Variants in FMN1 observed in about 807,000 individuals in gnomAD.
FMN1 encodes the protein formin 1.
In FMN1, 110 loss-of-function variants were observed where a neutral mutation model predicts 132.4. That is an observed-to-expected ratio of 0.83 (90% CI 0.71 to 0.97). The LOEUF (loss-of-function observed/expected upper bound fraction) is 0.97, where lower values mean the gene tolerates loss of function less well. Ranked by LOEUF, FMN1 falls within the 50% of genes least tolerant of loss-of-function variation. The probability of loss-of-function intolerance (pLI) is 0.00; values close to 1 mark genes in which losing one functional copy is unlikely to be tolerated. For missense variants in FMN1, 1,792 were observed against 1,705.3 expected, an observed-to-expected ratio of 1.05 and a Z score of -0.90; for synonymous variants, 722 against 651.7, an observed-to-expected ratio of 1.11 and a Z score of -1.64.
At position 33,168,829 on chromosome 15, in the gene FMN1, A is replaced by C. The variant is rs116078154; in HGVS notation, c.-132+11369T>G. On this transcript the variant is annotated intron_variant, in intron 3 of 20. Transcript: ENST00000616417. ...ATTCCTTGATATTGGAATTTAAAATAATTAAAGTCTCAGTCACAAGTGCTA... is the reference window on the plus strand; with the variant it reads ...ATTCCTTGATATTGGAATTTAAAATCATTAAAGTCTCAGTCACAAGTGCTA... Among the ~76,000 whole-genome samples, 464 of 152,314 alleles carry C rather than the reference A, an allele frequency of 3.0e-3. 2 individuals are homozygous for C. The highest frequency in any genetic ancestry group is 0.011 in the African/African-American group (448 of 41,562).
chr15:32,990,795 T>TC (rs2033387573), intron 7 of FMN1, among the ~76,000 whole-genome samples: 1 of 152,080 alleles, frequency 6.6e-6, no homozygotes, highest in South Asian at 2.1e-4. Context: ...AACATGTCCT[T>TC]CTTCACATGG....
At chr15:32,954,948 C>T (rs2061731686) in intron 9 of FMN1, among the ~76,000 whole-genome samples, 2 of 152,162 alleles carry the variant, frequency 1.3e-5, no homozygotes, top group African/African-American at 2.4e-5. Flanking sequence ...GTGGAGGTTG[C>T]AGTGACTAGG....
chr15:32,783,682 T>C (rs1050705326), intron 19 of FMN1, among the ~76,000 whole-genome samples: 1 of 126,314 alleles, frequency 7.9e-6, no homozygotes, highest in African/African-American at 3.0e-5. Flanking sequence ...TCGGGGGAGC[T>C]TGCAGTGAGC....
intron 6 of FMN1, among the ~76,000 whole-genome samples, chr15:33,017,552 G>A (rs1318869427): frequency 6.6e-6 from 1 of 152,098 alleles, no homozygotes; most frequent in Admixed American, 6.5e-5. Context: ...ACAGAAAGGA[G>A]CCTAATTTCT....
chr15:33,139,353 T>C (rs1963906660), intron 4 of FMN1, among the ~76,000 whole-genome samples: 1 of 152,172 alleles, frequency 6.6e-6, no homozygotes, highest in Non-Finnish European at 1.5e-5. Flanking sequence ...TCTCAGCACT[T>C]TGGGAGGCCG....
intron 16 of FMN1, among the ~76,000 whole-genome samples, chr15:32,863,494 A>C (rs1007774101): frequency 2.0e-5 from 3 of 152,216 alleles, no homozygotes; most frequent in African/African-American, 7.2e-5. Context: ...ATGTCTACTG[A>C]GCACCTACTA....
intron 10 of FMN1, among the ~76,000 whole-genome samples, chr15:32,919,862 G>T (rs1302222144): frequency 6.6e-6 from 1 of 152,126 alleles, no homozygotes; most frequent in Non-Finnish European, 1.5e-5. Context: ...AAGGCAAAAG[G>T]AAACAAGGTC....
chr15:32,917,762 T>C (rs994710229), intron 10 of FMN1, among the ~76,000 whole-genome samples: 12 of 152,146 alleles, frequency 7.9e-5, no homozygotes, highest in African/African-American at 2.9e-4. Context: ...CTTAAAATCC[T>C]TACCATCTAA....
chr15:33,014,086 C>A (rs886285306), intron 6 of FMN1, among the ~76,000 whole-genome samples: 1 of 152,188 alleles, frequency 6.6e-6, no homozygotes, highest in Non-Finnish European at 1.5e-5. Context: ...ACTCCCATCC[C>A]AACAAGGATG....
At chr15:32,939,723 A>T (rs2061359353) in intron 9 of FMN1, among the ~76,000 whole-genome samples, 1 of 152,170 alleles carries the variant, frequency 6.6e-6, no homozygotes, top group African/African-American at 2.4e-5. Flanking sequence ...ATCCATTGAC[A>T]TCTCTTATAC....
chr15:32,908,701 T>C (rs2060488377), intron 11 of FMN1, 123 bp from the exon 12 acceptor site: 1 of 618,764 alleles, frequency 1.6e-6, no homozygotes, highest in Non-Finnish European at 2.8e-6. Flanking sequence ...ATCAACAACA[T>C]CACCTGTCAC....
chr15:32,911,191 A>G (rs1217962906), intron 10 of FMN1, among the ~76,000 whole-genome samples: 2 of 152,248 alleles, frequency 1.3e-5, no homozygotes, highest in Non-Finnish European at 2.9e-5. Context: ...TAATATGCTT[A>G]TGATTTCATC....
intron 6 of FMN1, among the ~76,000 whole-genome samples, chr15:33,013,993 A>G (rs1459535282): frequency 2.0e-5 from 3 of 151,040 alleles, no homozygotes; most frequent in Non-Finnish European, 4.4e-5. Flanking sequence ...CTGCAAAGCT[A>G]ACATCTAGGA....
Position 32,969,422 on chromosome 15 carries a change from G to A in FMN1, c.2279C>T (p.Ala760Val), listed in dbSNP as rs375889311. The A allele has an allele frequency of 3.0e-5, 48 of 1,613,878 alleles. No individual in the cohort carries two copies. The African/African-American group carries it at 3.1e-4, about 10-fold the overall frequency. The change falls in exon 8 of 21, where the codon GCG becomes GTG. Residue 760 changes from alanine to valine, a missense_variant. By Grantham distance (64) the Ala-to-Val change is moderately conservative. This residue lies in a region of FMN1 where 1,150 missense variants were observed against 1,043.1 expected (regional missense o/e 1.10). Transcript: ENST00000616417. ...ATTTTCAATGGTTTCTTCTAGTCTC[G>A]CTGTTATCATTGCATGCTCGCCCCG... ...HIRGEHAMIT[A>V]RLEETIENLK...
intron 4 of FMN1, among the ~76,000 whole-genome samples, chr15:33,100,219 A>C (rs1198047842): frequency 9.1e-6 from 1 of 109,982 alleles, no homozygotes; most frequent in African/African-American, 4.4e-5. Flanking sequence ...TTAAACTTTC[A>C]CAGTAAAAAA....
rs1292218275 is a variant in FMN1 at position 32,804,341 on chromosome 15, G to A, written c.3929-9C>T. 3.9e-6 allele frequency: 6 copies of A among 1,533,546 alleles called. No homozygotes were observed. The highest frequency in any genetic ancestry group is 4.0e-5 in the Admixed American group (2 of 49,776). 95.0% of individuals were successfully genotyped at this position (1,533,546 alleles called of 1,614,324 possible). The stretch of plus-strand genomic sequence containing the variant: ...CTTATGCTCTTTTTTGGCTGTAAAA[G>A]ATAAATCATGATTAAAAATTTTTTC... On this transcript the variant is annotated splice_polypyrimidine_tract_variant and intron_variant, in intron 17 of 20. Coordinates refer to ENST00000616417, the MANE Select transcript of FMN1 (RefSeq NM_001277313.2).
At position 32,772,526 on chromosome 15, in the gene FMN1, C is replaced by T. The variant is rs1292865873; in HGVS notation, c.*1784G>A. The T allele has an allele frequency of 6.6e-6, 1 of 152,232 alleles. No homozygotes were observed. Among genetic ancestry groups the T allele is most frequent in the Non-Finnish European group, 1.5e-5 (1 of 68,038 alleles). The allele number at this position is 152,232 out of a possible 1,614,324, so 9.4% of individuals were successfully genotyped here. A position where few individuals can be genotyped will look rare whatever the true frequency, so the allele number is the denominator to read the frequency against. On this transcript the variant is annotated 3_prime_UTR_variant, in exon 21 of 21. Coordinates refer to ENST00000616417, the MANE Select transcript of FMN1 (RefSeq NM_001277313.2). ...AATGAAGAGAAACTATGTAAGAAAGCAGCATAAAAAGCTTCTTGCTCACAA... is the reference window on the plus strand; with the variant it reads ...AATGAAGAGAAACTATGTAAGAAAGTAGCATAAAAAGCTTCTTGCTCACAA...
chr15:32,776,868 C>T lies in FMN1; in HGVS notation c.4182G>A (p.Val1394=). 6.3e-7 allele frequency: 1 copy of T among 1,596,138 alleles called. No homozygotes were observed. Among genetic ancestry groups the T allele is most frequent in the Admixed American group, 1.7e-5 (1 of 57,970 alleles). The change falls in exon 20 of 21, where the codon GTG becomes GTA. Residue 1394 remains valine (V), a synonymous_variant. Transcript: ENST00000616417. ...CAGTGGGATTGATTTTCTTTGTCTC[C>T]ACTTTCTTCTCTGAAGTCAACTTGC... ...SVSKLTSEKK[V]ETKKINPTAS...
At chr15:32,798,428 T>C (rs2057367102) in intron 19 of FMN1, among the ~76,000 whole-genome samples, 1 of 152,196 alleles carries the variant, frequency 6.6e-6, no homozygotes, top group Non-Finnish European at 1.5e-5. Context: ...AGTATATTAA[T>C]GGGAAAAGCA....
Sources: gnomAD v4.1 joint callset for allele counts (sites outside exome capture counted in the v4.1 genomes callset) on GRCh38, gnomAD v4.1.1 for gene constraint, gnomAD v4.1.1 regional missense constraint, MANE v1.5 for transcripts, NCBI Gene and HGNC (gene_info 2026-07-23, HGNC 2026-07-21) for gene names.